ADGRL2: variants seen among roughly 807,000 people sequenced by gnomAD.
The protein encoded by ADGRL2 is calcium-independent alpha-latrotoxin receptor 2.
ADGRL2 carries 44 observed loss-of-function variants against 157.4 expected under a neutral mutation model. The observed-to-expected ratio is 0.28, with a 90% confidence interval of 0.22 to 0.36. The LOEUF is 0.36. Ranked by LOEUF, ADGRL2 falls within the 10% of genes least tolerant of loss-of-function variation. ADGRL2 has a pLI of 1.00. For missense variants in ADGRL2, 1,510 were observed against 1,768.9 expected, an observed-to-expected ratio of 0.85 and a Z score of 2.63; for synonymous variants, 585 against 624.7, an observed-to-expected ratio of 0.94 and a Z score of 0.95.
intron 3 of ADGRL2, among the ~76,000 whole-genome samples, chr1:81,626,065 T>C (rs1043892207): frequency 6.6e-6 from 1 of 152,192 alleles, no homozygotes; most frequent in Non-Finnish European, 1.5e-5. Flanking sequence ...TGATTACAAA[T>C]TGTGTTAGGC....
chr1:81,577,072 A>G (rs1033462781), intron 2 of ADGRL2, among the ~76,000 whole-genome samples: 56 of 152,206 alleles, frequency 3.7e-4, no homozygotes, highest in Non-Finnish European at 6.2e-4. Context: ...TTCTGATTCT[A>G]TTACTGTCCC....
intron 1 of ADGRL2, among the ~76,000 whole-genome samples, chr1:81,393,010 TTGA>T (rs2076586187): frequency 6.6e-6 from 1 of 152,148 alleles, no homozygotes; most frequent in African/African-American, 2.4e-5. Flanking sequence ...TTTTGATTGT[TTGA>T]TAACATCTGC....
At chr1:81,762,389 CAT>C (rs2085913674) in intron 2 of ADGRL2, among the ~76,000 whole-genome samples, 2 of 152,090 alleles carry the variant, frequency 1.3e-5, no homozygotes, top group Admixed American at 1.3e-4. Context: ...TTTGGTTAAA[CAT>C]ATAGTTTCAT....
intron 1 of ADGRL2, among the ~76,000 whole-genome samples, chr1:81,396,009 T>C (rs567428842): frequency 2.4e-4 from 36 of 152,312 alleles, no homozygotes; most frequent in African/African-American, 8.4e-4. Flanking sequence ...CTTTGGTTAT[T>C]CACAGTCTCT....
chr1:81,366,748 C>T (rs528289624), intron 1 of ADGRL2, among the ~76,000 whole-genome samples: 3 of 152,262 alleles, frequency 2.0e-5, no homozygotes, highest in South Asian at 4.1e-4. Flanking sequence ...CTTAAATTCT[C>T]TAATGAATTT....
At chr1:81,609,341 A>G (rs1035940204) in intron 3 of ADGRL2, among the ~76,000 whole-genome samples, 6 of 152,158 alleles carry the variant, frequency 3.9e-5, no homozygotes, top group Admixed American at 3.3e-4. Flanking sequence ...CACCTGGCTC[A>G]TATACAAGTG....
In ADGRL2 at chr1:81,497,396, G is replaced by T. The variant is rs12402207; in HGVS notation, c.-248+52307G>T. ...ATTACAACACATCCATGTTGCTATGGTTTTTTTTTTAACAATATGGACTAT... is the reference window on the plus strand; with the variant it reads ...ATTACAACACATCCATGTTGCTATGTTTTTTTTTTTAACAATATGGACTAT... On this transcript the variant is annotated intron_variant, in intron 2 of 24. Coordinates refer to the ADGRL2 transcript ENST00000370721. Among the ~76,000 whole-genome samples the T allele has an allele frequency of 8.3e-3, 1,228 of 148,268 alleles. 49 individuals are homozygous for T. The East Asian group carries it at 0.11, about 14-fold the overall frequency.
chr1:81,311,737 T>C (rs1659769133), intron 1 of ADGRL2, among the ~76,000 whole-genome samples: 1 of 152,206 alleles, frequency 6.6e-6, no homozygotes, highest in Non-Finnish European at 1.5e-5. Context: ...ACATGCTTAA[T>C]TTTAAAAATT....
chr1:81,393,670 C>T (rs967901427), intron 1 of ADGRL2, among the ~76,000 whole-genome samples: 5 of 152,076 alleles, frequency 3.3e-5, no homozygotes, highest in East Asian at 1.9e-4. Flanking sequence ...GACCCCTATA[C>T]GATCACCTAG....
At position 81,463,813 on chromosome 1, in the gene ADGRL2, G is replaced by T. The variant is rs575508676; in HGVS notation, c.-248+18724G>T. On this transcript the variant is annotated intron_variant, in intron 2 of 24. Coordinates refer to the ADGRL2 transcript ENST00000370721. ...ATAAAGACAGTTTAAATTCTTTGCA[G>T]AAAAGTGTCCTTGGTGTCATTGTTT... is the stretch of plus-strand genomic sequence containing the variant. Among the ~76,000 whole-genome samples the T allele has an allele frequency of 3.9e-5, 6 of 152,306 alleles. No homozygotes were observed. In the South Asian group the frequency reaches 1.2e-3, roughly 32 times the overall value.
chr1:81,717,287 A>T (rs1363526139), intron 1 of ADGRL2, among the ~76,000 whole-genome samples: 2 of 152,240 alleles, frequency 1.3e-5, no homozygotes, highest in Non-Finnish European at 2.9e-5. Flanking sequence ...ACAGGAACCC[A>T]GCCTGGGCTT....
chr1:81,447,205 ATACT>A (rs940724651), intron 2 of ADGRL2, among the ~76,000 whole-genome samples: 1 of 143,052 alleles, frequency 7.0e-6, no homozygotes, highest in Non-Finnish European at 1.6e-5. Context: ...TTCCCAGATG[ATACT>A]TACGTGAATT....
chr1:81,346,636 C>T (rs1454694286), intron 1 of ADGRL2, among the ~76,000 whole-genome samples: 4 of 152,134 alleles, frequency 2.6e-5, no homozygotes, highest in African/African-American at 9.7e-5. Context: ...CCACTCCCTA[C>T]CCCTCCATAT....
upstream of ADGRL2, among the ~76,000 whole-genome samples, chr1:81,797,868 T>C (rs542272986): frequency 6.6e-6 from 1 of 152,310 alleles, no homozygotes; most frequent in East Asian, 1.9e-4. Flanking sequence ...TCTAACCACA[T>C]AAGCTAATGA....
intron 2 of ADGRL2, among the ~76,000 whole-genome samples, chr1:81,463,021 A>G (rs2077971421): frequency 6.7e-6 from 1 of 150,316 alleles, no homozygotes; most frequent in African/African-American, 2.4e-5. Context: ...AGGCTGAGGC[A>G]GGAAGATTGC....
At chr1:81,552,254 A>G (rs1229449302) in intron 2 of ADGRL2, among the ~76,000 whole-genome samples, 1 of 152,126 alleles carries the variant, frequency 6.6e-6, no homozygotes, top group Admixed American at 6.6e-5. Flanking sequence ...TTAGGTAGAT[A>G]AACTCCTGAA....
At chr1:81,476,155 A>G (rs369905911) in intron 2 of ADGRL2, among the ~76,000 whole-genome samples, 6 of 152,092 alleles carry the variant, frequency 3.9e-5, no homozygotes, top group African/African-American at 9.7e-5. Context: ...GAGAAAGAGC[A>G]TAAGTGACAG....
intron 3 of ADGRL2, among the ~76,000 whole-genome samples, chr1:81,622,620 T>C (rs1459093063): frequency 2.6e-5 from 4 of 152,040 alleles, no homozygotes; most frequent in African/African-American, 9.7e-5. Flanking sequence ...CCAGGCACAG[T>C]GGCTCATGCC....
chr1:81,430,444 G>C (rs2077299195), intron 1 of ADGRL2, among the ~76,000 whole-genome samples: 1 of 152,132 alleles, frequency 6.6e-6, no homozygotes, highest in Non-Finnish European at 1.5e-5. Flanking sequence ...TTTCCAGTTA[G>C]AGGATGGGAT....
Sources: allele counts gnomAD v4.1 joint callset (sites outside exome capture counted in the v4.1 genomes callset), GRCh38; gene constraint gnomAD v4.1.1; transcripts MANE v1.5; gene names NCBI Gene and HGNC (gene_info 2026-07-23, HGNC 2026-07-21).